SLC15A3: variants seen among roughly 807,000 people sequenced by gnomAD.
SLC15A3 encodes the protein solute carrier family 15 member 3.
A neutral mutation model predicts 49.2 loss-of-function variants in SLC15A3; 39 were observed. That is an observed-to-expected ratio of 0.79 (90% CI 0.61 to 1.04). The LOEUF is 1.04. SLC15A3 is among the 50% of genes least tolerant of loss of function. The probability of loss-of-function intolerance (pLI) is 0.00; values close to 1 mark genes in which losing one functional copy is unlikely to be tolerated. For missense variants in SLC15A3, 758 were observed against 794.8 expected, an observed-to-expected ratio of 0.95 and a Z score of 0.56; for synonymous variants, 339 against 367.0, an observed-to-expected ratio of 0.92 and a Z score of 0.87.
At chr11:60,939,385 G>A (rs1434561634) in intron 6 of SLC15A3, 95 bp downstream of exon 6, 1 of 1,450,476 alleles carries the variant, frequency 6.9e-7, no homozygotes, top group East Asian at 2.3e-5. Context: ...ATGCAGATGG[G>A]CCCTGGGGGC....
At position 60,951,476 on chromosome 11, in the gene SLC15A3, C is replaced by A. The variant is rs1262364008; in HGVS notation, c.76G>T (p.Gly26Cys). 1.5e-6 allele frequency: 2 copies of A among 1,329,570 alleles called. No individual in the cohort carries two copies. Among genetic ancestry groups the A allele is most frequent in the South Asian group, 2.1e-5 (1 of 48,482 alleles). The allele number at this position is 1,329,570 out of a possible 1,614,324, so 82.4% of individuals were successfully genotyped here. A position where few individuals can be genotyped will look rare whatever the true frequency, so the allele number is the denominator to read the frequency against. ...GCCGCCCGCCGCCACCGTCGAGGGC[C>A]CCGCGCACCGCGAGGCAGCAGCGGC... ...RQPLLPRGAR[G>C]PRRWRRAAGA... is the part of the protein sequence containing the mutation. Residue 26 changes from glycine to cysteine, a missense_variant, in exon 1 of 8, where the codon GGC (glycine) becomes TGC (cysteine). Gly to Cys is a radical substitution (Grantham distance 159, BLOSUM62 -3). Transcript: ENST00000227880.
chr11:60,949,425 GGAAAGAAAGAAA>G lies in SLC15A3; in HGVS notation c.558+1557_558+1568del, dbSNP rs71043733. On this transcript the variant is annotated intron_variant, in intron 1 of 7. Transcript: ENST00000227880. The stretch of plus-strand genomic sequence containing the variant: ...AAGAAAGGAAGAAAGAAAGAAAGAA[GGAAAGAAAGAAA>G]GAAAGAAAGAAAGAGAAAGAAAGAG... Among the ~76,000 whole-genome samples the G allele has an allele frequency of 3.5e-4, 42 of 119,942 alleles. 3 individuals carry two copies. Among genetic ancestry groups the G allele is most frequent in the East Asian group, 1.2e-3 (5 of 4,034 alleles). 78.7% of individuals were successfully genotyped at this position (119,942 alleles called of 152,430 possible). A position where few individuals can be genotyped will look rare whatever the true frequency, so the allele number is the denominator to read the frequency against.
chr11:60,946,534 G>A lies in SLC15A3; in HGVS notation c.846C>T (p.Ala282=). 1 of 1,556,044 alleles carries A rather than the reference G, an allele frequency of 6.4e-7. No individual in the cohort carries two copies. Among genetic ancestry groups the A allele is most frequent in the South Asian group, 1.2e-5 (1 of 81,950 alleles). The part of the protein sequence containing the change: ...CCPQLWQRHS[A]RDRQCARVLA... ...CTGCACCCAGAGCCCCTCCTTACCT[G>A]GCCGAGTGTCGTTGCCACAGCTGGG... Residue 282 remains alanine (A), a splice_region_variant and synonymous_variant, in exon 2 of 8, where the codon GCC becomes GCT. Coordinates refer to ENST00000227880, the MANE Select transcript of SLC15A3 (RefSeq NM_016582.3).
rs575307256 is a variant in SLC15A3, at chr11:60,937,464, C to T, written c.1592-91G>A. The T allele has an allele frequency of 7.0e-4, 1,072 of 1,541,298 alleles. 2 individuals are homozygous for T. The highest frequency in any genetic ancestry group is 9.3e-4 in the Non-Finnish European group (1,039 of 1,123,030). On this transcript the variant is annotated intron_variant, in intron 7 of 7. Coordinates refer to ENST00000227880, the MANE Select transcript of SLC15A3 (RefSeq NM_016582.3). ...CGTGTCCTAGCCCTGGGGCTGGCAA[C>T]TGAGGCCATGTGGGCAGTGGTGGGA...
At chr11:60,939,100 G>C (rs904009278) in intron 6 of SLC15A3, among the ~76,000 whole-genome samples, 3 of 152,218 alleles carry the variant, frequency 2.0e-5, no homozygotes, top group African/African-American at 7.2e-5. Flanking sequence ...CGGGAAGGGA[G>C]GACCCCTTCT....
At chr11:60,945,253 A>G (rs1320665626) in intron 2 of SLC15A3, among the ~76,000 whole-genome samples, 1 of 152,232 alleles carries the variant, frequency 6.6e-6, no homozygotes, top group Non-Finnish European at 1.5e-5. Flanking sequence ...AATGGGAACC[A>G]AGGTGCTCTG....
Position 60,937,964 on chromosome 11 carries a change from G to T in SLC15A3, c.1497C>A (p.Phe499Leu), listed in dbSNP as rs1328151914. 3 of 1,614,070 alleles carry T rather than the reference G, an allele frequency of 1.9e-6. No homozygotes were observed. The African/African-American group carries it at 4.0e-5, about 22-fold the overall frequency. Residue 499 changes from phenylalanine (F) to leucine (L), a missense_variant, in exon 7 of 8, where the codon TTC becomes TTA. Phe to Leu is a conservative substitution (Grantham distance 22, BLOSUM62 0). This residue lies in a region of SLC15A3 where 699 missense variants were observed against 706.7 expected (regional missense o/e 0.99). Transcript: ENST00000227880. ...RSMQGAIMGI[F>L]FCLSGVGSLL... is the part of the protein sequence containing the mutation. ...GTGAGCCCACCCCCGACAGGCAGAA[G>T]AAGATGCCCATGATGGCGCCCTGCA...
intron 1 of SLC15A3, among the ~76,000 whole-genome samples, chr11:60,949,468 G>A (rs1214830196): frequency 2.1e-5 from 3 of 140,334 alleles, no homozygotes. Flanking sequence ...AAGAGAGAGA[G>A]AGAAAGAGAA....
At chr11:60,946,391 G>A (rs1856802038) in intron 2 of SLC15A3, 141 bp downstream of exon 2, 1 of 944,572 alleles carries the variant, frequency 1.1e-6, no homozygotes, top group African/African-American at 1.7e-5. Flanking sequence ...GGGCAGCTCT[G>A]GCCCACTGGA....
chr11:60,938,653 C>G (rs975960833), intron 6 of SLC15A3, among the ~76,000 whole-genome samples: 3 of 152,160 alleles, frequency 2.0e-5, no homozygotes, highest in Non-Finnish European at 4.4e-5. Flanking sequence ...CACTTCGGCT[C>G]CCTGCACCTC....
At chr11:60,939,416 C>T (rs1856677837) in intron 6 of SLC15A3, 64 bp downstream of exon 6, 14 of 1,584,550 alleles carry the variant, frequency 8.8e-6, no homozygotes, top group Non-Finnish European at 1.2e-5. Context: ...GGGTACCTGA[C>T]TTTGAGGTGC....
At chr11:60,945,676 G>A (rs891977791) in intron 2 of SLC15A3, among the ~76,000 whole-genome samples, 3 of 152,166 alleles carry the variant, frequency 2.0e-5, no homozygotes, top group South Asian at 2.1e-4. Context: ...TTAGGAAGGC[G>A]AGGGGCAAAA....
chr11:60,938,192 C>T (rs1289807071), intron 6 of SLC15A3, 167 bp from the exon 7 acceptor site: 1 of 801,814 alleles, frequency 1.2e-6, no homozygotes, highest in Non-Finnish European at 1.9e-6. Context: ...ATCAATGCCG[C>T]CTTCCCCTCT....
intron 7 of SLC15A3, 60 bp downstream of exon 7, chr11:60,937,810 C>T: frequency 6.3e-7 from 1 of 1,574,914 alleles, no homozygotes; most frequent in Non-Finnish European, 8.6e-7. Flanking sequence ...TAGCAGTTGC[C>T]ACCTCCTTTC....
intron 3 of SLC15A3, chr11:60,942,408 T>C: frequency 2.5e-6 from 1 of 395,820 alleles, no homozygotes; most frequent in South Asian, 2.9e-5. Flanking sequence ...TGACTAGTAT[T>C]TGTGTCCCCA....
Position 60,951,514 on chromosome 11 carries a change from G to T in SLC15A3, c.38C>A (p.Pro13His). The change falls in exon 1 of 8, where the codon CCC (proline) becomes CAC (histidine). Residue 13 changes from proline to histidine, a missense_variant. By Grantham distance (77) the Pro-to-His change is moderately conservative (BLOSUM62 -2). Around this residue, in one of 3 missense-constraint regions of SLC15A3, gnomAD observed 28 missense variants for 29.7 expected, o/e 0.94. Coordinates refer to ENST00000227880, the MANE Select transcript of SLC15A3 (RefSeq NM_016582.3). ...AGGCAGCAGCGGCTGGCGCTCCCCG[G>T]GCACGCGGGGCTGCTCCCGGGCGCG... ...APRAREQPRV[P>H]GERQPLLPRG... The T allele has an allele frequency of 1.6e-6, 2 of 1,214,632 alleles. No individual in the cohort carries two copies. The allele number at this position is 1,214,632 out of a possible 1,614,324, so 75.2% of individuals were successfully genotyped here. A position where few individuals can be genotyped will look rare whatever the true frequency, so the allele number is the denominator to read the frequency against.
At chr11:60,949,564 G>GAAAGA (rs10664684) in intron 1 of SLC15A3, among the ~76,000 whole-genome samples, 6,432 of 117,820 alleles carry the variant, frequency 0.055, 630 homozygotes, top group East Asian at 0.22. Context: ...AAGAAAGAAA[G>GAAAGA]AAAGAAAAGA....
Position 60,946,809 on chromosome 11 carries a change from C to G in SLC15A3, c.571G>C (p.Gly191Arg), listed in dbSNP as rs140918009. 2.9e-5 allele frequency: 47 copies of G among 1,609,390 alleles called. No homozygotes were observed. In the African/African-American group the frequency reaches 4.3e-4, roughly 15 times the overall value. The change falls in exon 2 of 8, where the codon GGC becomes CGC. Residue 191 changes from glycine (G) to arginine (R), a missense_variant. This residue lies in a region of SLC15A3 where 699 missense variants were observed against 706.7 expected (regional missense o/e 0.99). Transcript: ENST00000227880. ...SFGADQVMDL[G>R]RDATRRFFNW... ...AAGAAGCGGCGGGTGGCGTCGCGGC[C>G]GAGATCCATCACCTGCCATTCAGGA... is the stretch of plus-strand genomic sequence containing the variant.
chr11:60,944,257 C>T (rs558406539), intron 2 of SLC15A3, among the ~76,000 whole-genome samples: 35 of 152,268 alleles, frequency 2.3e-4, no homozygotes, highest in African/African-American at 6.0e-4. Context: ...TAATCCTCCT[C>T]CCAGTATCAG....
Sources: gnomAD v4.1 joint callset for allele counts (sites outside exome capture counted in the v4.1 genomes callset) on GRCh38, gnomAD v4.1.1 for gene constraint, gnomAD v4.1.1 regional missense constraint, MANE v1.5 for transcripts, NCBI Gene and HGNC (gene_info 2026-07-23, HGNC 2026-07-21) for gene names.